SPPL3: variants seen among roughly 807,000 people sequenced by gnomAD.
SPPL3 encodes signal peptide peptidase-like 3.
A neutral mutation model predicts 42.4 loss-of-function variants in SPPL3; 5 were observed. The observed-to-expected ratio is 0.12, with a 90% CI of 0.06 to 0.25. SPPL3 has a LOEUF of 0.25. SPPL3 is among the 10% of genes least tolerant of loss of function. The probability of loss-of-function intolerance (pLI) is 1.00; values close to 1 mark genes in which losing one functional copy is unlikely to be tolerated. For synonymous variants in SPPL3, 195 were observed against 181.8 expected (o/e 1.07, Z -0.58); for missense variants, 235 against 489.0 (o/e 0.48, Z 4.90).
chr12:120,883,957 C>G (rs111792060), intron 1 of SPPL3, among the ~76,000 whole-genome samples: 1 of 151,904 alleles, frequency 6.6e-6, no homozygotes, highest in South Asian at 2.1e-4. Flanking sequence ...CAAAATTAGC[C>G]GGGCGTGGTG....
chr12:120,868,098 T>C (rs1025104223), intron 1 of SPPL3, among the ~76,000 whole-genome samples: 1 of 152,024 alleles, frequency 6.6e-6, no homozygotes, highest in African/African-American at 2.4e-5. Flanking sequence ...ACCTCATCTT[T>C]ACAAAAAATA....
At chr12:120,831,655 A>C (rs1228679907) in intron 1 of SPPL3, among the ~76,000 whole-genome samples, 1 of 152,152 alleles carries the variant, frequency 6.6e-6, no homozygotes, top group Non-Finnish European at 1.5e-5. Flanking sequence ...GTGTGTGCTT[A>C]ATAAAAACAA....
chr12:120,833,968 A>C lies in SPPL3; in HGVS notation c.24-23082T>G, dbSNP rs537581285. ...TGAGTCTGCACAGTACTGACCTTTG[A>C]GAATAAGCATGCATACAGGGTGACA... On this transcript the variant is annotated intron_variant, in intron 1 of 10. Transcript: ENST00000353487. Among the ~76,000 whole-genome samples the C allele has an allele frequency of 1.0e-3, 154 of 152,288 alleles. 2 individuals carry two copies. The highest frequency in any genetic ancestry group is 6.0e-3 in the South Asian group (29 of 4,826).
chr12:120,883,079 C>T (rs1405787092), intron 1 of SPPL3, among the ~76,000 whole-genome samples: 3 of 151,620 alleles, frequency 2.0e-5, no homozygotes, highest in Non-Finnish European at 4.4e-5. Flanking sequence ...CTGAGGCAGG[C>T]AGATCACGAG....
rs1868809083 is a variant in SPPL3 at position 120,764,630 on chromosome 12, T to A, written c.*369A>T. ...TCGGTTTGCTAATTTTTTTCATCCT[T>A]TTAGTGTTCAAAAGTTCTAGAAAGA... On this transcript the variant is annotated 3_prime_UTR_variant, in exon 11 of 11. Coordinates refer to ENST00000353487, the MANE Select transcript of SPPL3 (RefSeq NM_139015.5). 2.7e-6 allele frequency: 1 copy of A among 376,748 alleles called. No individual in the cohort carries two copies. The highest frequency in any genetic ancestry group is 2.1e-5 in the African/African-American group (1 of 48,274). 23.3% of individuals were successfully genotyped at this position (376,748 alleles called of 1,614,324 possible). A position where few individuals can be genotyped will look rare whatever the true frequency, so the allele number is the denominator to read the frequency against.
chr12:120,887,944 G>A (rs1056106624), intron 1 of SPPL3, among the ~76,000 whole-genome samples: 1 of 152,170 alleles, frequency 6.6e-6, no homozygotes, highest in Non-Finnish European at 1.5e-5. Context: ...TTGGAAAGCT[G>A]TTTGGCAGTT....
intron 1 of SPPL3, among the ~76,000 whole-genome samples, chr12:120,875,656 C>T (rs1172416360): frequency 6.8e-6 from 1 of 146,618 alleles, no homozygotes; most frequent in Non-Finnish European, 1.5e-5. Context: ...AATGGAATCA[C>T]AAAAATACTT....
intron 1 of SPPL3, among the ~76,000 whole-genome samples, chr12:120,890,128 A>C (rs1378593637): frequency 6.6e-6 from 1 of 152,070 alleles, no homozygotes; most frequent in Non-Finnish European, 1.5e-5. Flanking sequence ...CATGCCTGTA[A>C]TCCCAACTAT....
chr12:120,849,234 T>C (rs1872146477), intron 1 of SPPL3, among the ~76,000 whole-genome samples: 1 of 152,034 alleles, frequency 6.6e-6, no homozygotes, highest in South Asian at 2.1e-4. Context: ...AACCTAAACT[T>C]TACCTGATAC....
At chr12:120,897,395 T>C (rs1046872524) in intron 1 of SPPL3, among the ~76,000 whole-genome samples, 2 of 152,214 alleles carry the variant, frequency 1.3e-5, no homozygotes, top group South Asian at 2.1e-4. Flanking sequence ...AACATTATCA[T>C]AGTACTTTAA....
intron 7 of SPPL3, chr12:120,768,704 C>A (rs1291107771): frequency 6.1e-6 from 4 of 652,190 alleles, no homozygotes; most frequent in Admixed American, 5.9e-5. Context: ...GTGGCCCCCA[C>A]TGCAGCGAAT....
chr12:120,802,202 G>A (rs561014083), intron 2 of SPPL3, among the ~76,000 whole-genome samples: 21 of 151,828 alleles, frequency 1.4e-4, no homozygotes, highest in Non-Finnish European at 2.9e-4. Context: ...AGGACAAGGG[G>A]AAACATGGGC....
intron 1 of SPPL3, among the ~76,000 whole-genome samples, chr12:120,831,708 T>C (rs1187361524): frequency 6.6e-6 from 1 of 152,224 alleles, no homozygotes; most frequent in Non-Finnish European, 1.5e-5. Flanking sequence ...AAGCCATCTG[T>C]TCCCCTGTAG....
intron 2 of SPPL3, among the ~76,000 whole-genome samples, chr12:120,797,115 C>T (rs1173355109): frequency 6.6e-6 from 1 of 151,994 alleles, no homozygotes; most frequent in Non-Finnish European, 1.5e-5. Context: ...GGCAGTGAGC[C>T]GAGATTGTGC....
intron 3 of SPPL3, among the ~76,000 whole-genome samples, chr12:120,790,573 C>T (rs1487713756): frequency 2.6e-5 from 4 of 152,296 alleles, no homozygotes; most frequent in Admixed American, 2.6e-4. Context: ...GACTTCTCCA[C>T]CAATCCACAT....
intron 1 of SPPL3, among the ~76,000 whole-genome samples, chr12:120,884,566 C>A (rs1313864508): frequency 1.4e-5 from 2 of 147,518 alleles, no homozygotes; most frequent in African/African-American, 2.5e-5. Flanking sequence ...AAAAAAAAAA[C>A]CAACTGTCAC....
intron 1 of SPPL3, among the ~76,000 whole-genome samples, chr12:120,820,999 A>G (rs1871049929): frequency 6.6e-6 from 1 of 152,188 alleles, no homozygotes; most frequent in Non-Finnish European, 1.5e-5. Context: ...GAAATATACT[A>G]TATGTTAATA....
intron 1 of SPPL3, among the ~76,000 whole-genome samples, chr12:120,813,289 T>C (rs1036175254): frequency 2.6e-5 from 4 of 151,650 alleles, no homozygotes; most frequent in African/African-American, 9.7e-5. Flanking sequence ...ACTGCTGTGG[T>C]CTATAATGGC....
chr12:120,826,089 T>C (rs1871223380), intron 1 of SPPL3, among the ~76,000 whole-genome samples: 1 of 145,606 alleles, frequency 6.9e-6, no homozygotes, highest in South Asian at 2.1e-4. Flanking sequence ...AGGTTGGGAG[T>C]TCGAGACCAG....
Sources: gnomAD v4.1 joint callset for allele counts (sites outside exome capture counted in the v4.1 genomes callset) on GRCh38, gnomAD v4.1.1 for gene constraint, MANE v1.5 for transcripts, NCBI Gene and HGNC (gene_info 2026-07-23, HGNC 2026-07-21) for gene names.